GRM1: variants seen among roughly 807,000 people sequenced by gnomAD.
The protein encoded by GRM1 is metabotropic glutamate receptor 1.
In GRM1, 33 loss-of-function variants were observed where a neutral mutation model predicts 90.9. That is an observed-to-expected ratio of 0.36 (90% CI 0.28 to 0.49). The LOEUF is 0.49. Ranked by LOEUF, GRM1 falls within the 20% of genes least tolerant of loss-of-function variation. GRM1 has a pLI of 0.99. For missense variants in GRM1, 1,190 were observed against 1,534.3 expected (o/e 0.78, Z 3.75); for synonymous variants, 700 against 613.2 (o/e 1.14, Z -2.09).
intron 1 of GRM1, among the ~76,000 whole-genome samples, chr6:146,145,416 ATCTC>A (rs1274727404): frequency 6.6e-6 from 1 of 152,168 alleles, no homozygotes; most frequent in Non-Finnish European, 1.5e-5. Context: ...GCCCAGGACT[ATCTC>A]TATGAGCTAG....
intron 3 of GRM1, among the ~76,000 whole-genome samples, chr6:146,344,880 C>T (rs977173333): frequency 6.6e-5 from 10 of 151,950 alleles, no homozygotes; most frequent in East Asian, 1.9e-4. Flanking sequence ...GGCATGATCT[C>T]GGCTCACCAC....
intron 1 of GRM1, among the ~76,000 whole-genome samples, chr6:146,129,410 G>A (rs113762708): frequency 5.9e-5 from 9 of 152,156 alleles, no homozygotes; most frequent in East Asian, 1.9e-4. Context: ...GTATGTTTGC[G>A]GCAGGGAAAT....
chr6:146,425,891 A>T (rs891863449), intron 7 of GRM1, among the ~76,000 whole-genome samples: 1 of 152,154 alleles, frequency 6.6e-6, no homozygotes. Flanking sequence ...TGTCATGTCT[A>T]GCTAGTTCTC....
At chr6:146,060,863 A>G (rs1775642137) in intron 1 of GRM1, among the ~76,000 whole-genome samples, 1 of 152,174 alleles carries the variant, frequency 6.6e-6, no homozygotes, top group South Asian at 2.1e-4. Context: ...TTACATTCCC[A>G]GCAGTAGTGT....
intron 6 of GRM1, among the ~76,000 whole-genome samples, chr6:146,391,872 G>A (rs537280755): frequency 6.6e-6 from 1 of 152,130 alleles, no homozygotes; most frequent in South Asian, 2.1e-4. Context: ...AATCATAGTA[G>A]AATTGCAAGT....
chr6:146,095,162 A>C lies in GRM1; in HGVS notation c.701-64186A>C, dbSNP rs1013080725. 6.6e-5 allele frequency among the ~76,000 whole-genome samples: 10 copies of C among 152,096 alleles called. No individual in the cohort carries two copies. In the South Asian group the frequency reaches 2.1e-3, roughly 32 times the overall value. On this transcript the variant is annotated intron_variant, in intron 1 of 7. Transcript: ENST00000282753. ...CCATTAAAATTGCATGTGATGCCTT[A>C]AGTTTGCTGGCATCACCCAAAGACA...
intron 2 of GRM1, among the ~76,000 whole-genome samples, chr6:146,225,735 G>A (rs1780217679): frequency 1.3e-5 from 2 of 151,992 alleles, no homozygotes; most frequent in South Asian, 2.1e-4. Flanking sequence ...TGAGCACTGA[G>A]TACACTTAAA....
chr6:146,320,001 G>C (rs1037961376), intron 3 of GRM1, among the ~76,000 whole-genome samples: 4 of 152,078 alleles, frequency 2.6e-5, no homozygotes, highest in African/African-American at 9.7e-5. Flanking sequence ...CCAATACTAC[G>C]TTGAATAAGA....
At chr6:146,197,611 A>T (rs571141537) in intron 2 of GRM1, among the ~76,000 whole-genome samples, 30 of 152,364 alleles carry the variant, frequency 2.0e-4, no homozygotes, top group African/African-American at 7.0e-4. Context: ...TGGGATGTCC[A>T]GACAACCCAG....
chr6:146,283,830 A>G (rs1470366548), intron 2 of GRM1, among the ~76,000 whole-genome samples: 1 of 152,192 alleles, frequency 6.6e-6, no homozygotes, highest in African/African-American at 2.4e-5. Context: ...CAGGATCCAC[A>G]TGCTTCACCA....
At position 146,241,628 on chromosome 6, in the gene GRM1, A is replaced by G. The variant is rs1780868348; in HGVS notation, c.951-62983A>G. On this transcript the variant is annotated intron_variant, in intron 2 of 7. Transcript: ENST00000282753. ...TCCCAAGGTTCACTAACTGTTTAATATCCATGCCTTGGTTCATTTCTGACA... is the reference window on the plus strand; with the variant it reads ...TCCCAAGGTTCACTAACTGTTTAATGTCCATGCCTTGGTTCATTTCTGACA... Among the ~76,000 whole-genome samples the G allele has an allele frequency of 2.0e-5, 3 of 152,016 alleles. No individual in the cohort carries two copies. In the South Asian group the frequency reaches 6.2e-4, roughly 31 times the overall value.
At chr6:146,167,792 T>G (rs1777962836) in intron 2 of GRM1, among the ~76,000 whole-genome samples, 1 of 152,148 alleles carries the variant, frequency 6.6e-6, no homozygotes, top group Non-Finnish European at 1.5e-5. Flanking sequence ...CACAAGTGAT[T>G]TATCGTATAT....
intron 1 of GRM1, among the ~76,000 whole-genome samples, chr6:146,136,701 A>C (rs9497455): frequency 9.4e-4 from 143 of 152,272 alleles, no homozygotes; most frequent in African/African-American, 3.3e-3. Flanking sequence ...GGTAGTTTGC[A>C]AATAGAGCTG....
chr6:146,033,570 A>G (rs1421062280), intron 1 of GRM1, among the ~76,000 whole-genome samples: 1 of 152,020 alleles, frequency 6.6e-6, no homozygotes, highest in Non-Finnish European at 1.5e-5. Context: ...CCTTTCTTCT[A>G]GTATTTTGTC....
intron 1 of GRM1, among the ~76,000 whole-genome samples, chr6:146,048,692 AAAG>A (rs1168499133): frequency 6.6e-6 from 1 of 151,994 alleles, no homozygotes. Flanking sequence ...GACCTTATAA[AAAG>A]AAGAAATTTG....
Position 146,215,942 on chromosome 6 carries a change from A to G in GRM1, c.950+56345A>G, listed in dbSNP as rs1456708057. On this transcript the variant is annotated intron_variant, in intron 2 of 7. Coordinates refer to ENST00000282753, the MANE Select transcript of GRM1 (RefSeq NM_001278064.2). ...CGGCTAATTTTTTTGTATTTTTAGT[A>G]GGGACGGGGTTTCACCGTGTTAGCC... Among the ~76,000 whole-genome samples, 6 of 152,198 alleles carry G rather than the reference A, an allele frequency of 3.9e-5. No individual in the cohort carries two copies. In the South Asian group the frequency reaches 8.3e-4, roughly 21 times the overall value.
chr6:146,334,288 TG>T (rs1049586711), intron 3 of GRM1, among the ~76,000 whole-genome samples: 4 of 152,370 alleles, frequency 2.6e-5, no homozygotes, highest in Admixed American at 1.3e-4. Context: ...GGCAGCCTAC[TG>T]CCTAGACCCA....
chr6:146,104,670 GA>G (rs1777166598), intron 1 of GRM1, among the ~76,000 whole-genome samples: 1 of 152,198 alleles, frequency 6.6e-6, no homozygotes, highest in African/African-American at 2.4e-5. Context: ...ACATGCTCTA[GA>G]GATGTTCAGC....
chr6:146,358,865 T>C (rs901772060), intron 5 of GRM1, among the ~76,000 whole-genome samples: 5 of 152,170 alleles, frequency 3.3e-5, no homozygotes, highest in African/African-American at 1.2e-4. Flanking sequence ...CTGAGATGAG[T>C]CATCCTAGTT....
Sources: gnomAD v4.1 joint callset for allele counts (sites outside exome capture counted in the v4.1 genomes callset) on GRCh38, gnomAD v4.1.1 for gene constraint, MANE v1.5 for transcripts, NCBI Gene and HGNC (gene_info 2026-07-23, HGNC 2026-07-21) for gene names.